Variants in RGS5 observed in about 807,000 individuals in gnomAD.
RGS5 encodes regulator of G protein signaling 5, also known as regulator of G-protein signalling 5.
RGS5 carries 20 observed loss-of-function variants against 18.9 expected under a neutral mutation model. The ratio of observed to expected loss-of-function variants is 1.06; its 90% confidence interval spans 0.74 to 1.54. The LOEUF (loss-of-function observed/expected upper bound fraction) is 1.54. RGS5 is among the 40% of genes most tolerant of loss of function. The pLI is 0.00. For synonymous variants in RGS5, 57 were observed against 76.2 expected, an observed-to-expected ratio of 0.75 and a Z score of 1.31; for missense variants, 201 against 211.8, an observed-to-expected ratio of 0.95 and a Z score of 0.32.
At chr1:163,201,434 A>C (rs1659767623) in intron 1 of RGS5, among the ~76,000 whole-genome samples, 1 of 152,150 alleles carries the variant, frequency 6.6e-6, no homozygotes, top group Non-Finnish European at 1.5e-5. Context: ...CCTTATTTAC[A>C]ATCTAACTTC....
intron 4 of RGS5, among the ~76,000 whole-genome samples, chr1:163,150,594 G>A (rs1657333246): frequency 6.6e-6 from 1 of 152,194 alleles, no homozygotes; most frequent in South Asian, 2.1e-4. Flanking sequence ...GCTAACATAT[G>A]TGCTTAGGGT....
intron 1 of RGS5, among the ~76,000 whole-genome samples, chr1:163,215,222 C>A (rs1190483374): frequency 6.6e-6 from 1 of 152,122 alleles, no homozygotes; most frequent in Non-Finnish European, 1.5e-5. Flanking sequence ...CGTATATAGT[C>A]AAAATCATTT....
chr1:163,240,875 T>C (rs1219272846), intron 2 of RGS5, among the ~76,000 whole-genome samples: 2 of 152,136 alleles, frequency 1.3e-5, no homozygotes, highest in Admixed American at 1.3e-4. Context: ...AATATACTTG[T>C]CAAAATGTAT....
At chr1:163,191,485 A>G (rs1229278138) in intron 1 of RGS5, among the ~76,000 whole-genome samples, 1 of 152,182 alleles carries the variant, frequency 6.6e-6, no homozygotes, top group Admixed American at 6.6e-5. Flanking sequence ...GAAGTGAAAC[A>G]AGTAACTGAA....
chr1:163,313,995 ATATATG>A (rs1459530201), intron 1 of RGS5, among the ~76,000 whole-genome samples: 29 of 5,590 alleles, frequency 5.2e-3, no homozygotes, highest in African/African-American at 0.025. Flanking sequence ...TAAATAAGAT[ATATATG>A]TGTGTGTGTG....
intron 1 of RGS5, among the ~76,000 whole-genome samples, chr1:163,213,993 T>C (rs755002769): frequency 6.6e-6 from 1 of 152,140 alleles, no homozygotes. Context: ...ATTAAAATAA[T>C]CTTTTGACCT....
At chr1:163,174,274 T>A (rs1305494665) in intron 1 of RGS5, among the ~76,000 whole-genome samples, 1 of 152,222 alleles carries the variant, frequency 6.6e-6, no homozygotes, top group East Asian at 1.9e-4. Context: ...ATATTGTCTA[T>A]CTCTCCCATT....
intron 1 of RGS5, among the ~76,000 whole-genome samples, chr1:163,192,171 A>T (rs916012083): frequency 6.6e-6 from 1 of 152,178 alleles, no homozygotes; most frequent in Non-Finnish European, 1.5e-5. Context: ...ACATTATATA[A>T]ATTATTGAAG....
At chr1:163,315,628 G>T (rs1431624530) in intron 1 of RGS5, among the ~76,000 whole-genome samples, 1 of 152,068 alleles carries the variant, frequency 6.6e-6, no homozygotes, top group Admixed American at 6.5e-5. Context: ...GTACTTTATA[G>T]TTCCAAACTA....
chr1:163,222,282 A>T (rs1391300313), upstream of RGS5, among the ~76,000 whole-genome samples: 1 of 152,030 alleles, frequency 6.6e-6, no homozygotes, highest in African/African-American at 2.4e-5. Context: ...TAGGAGCATG[A>T]ACTCTATTGT....
chr1:163,151,792 C>T (rs773609332), intron 4 of RGS5, among the ~76,000 whole-genome samples: 1 of 152,092 alleles, frequency 6.6e-6, no homozygotes, highest in Non-Finnish European at 1.5e-5. Context: ...TTCTTCATAG[C>T]AGTGAGAGAA....
chr1:163,295,837 A>T (rs1274314780), intron 2 of RGS5, among the ~76,000 whole-genome samples: 1 of 152,200 alleles, frequency 6.6e-6, no homozygotes, highest in Non-Finnish European at 1.5e-5. Context: ...ATTTCTTCAA[A>T]ACATGGTATT....
intron 2 of RGS5, among the ~76,000 whole-genome samples, chr1:163,288,962 T>C (rs1649212856): frequency 6.6e-6 from 1 of 152,194 alleles, no homozygotes. Flanking sequence ...TTGGTATATG[T>C]TGGTATATTC....
chr1:163,150,476 A>T (rs1024456876), intron 4 of RGS5, among the ~76,000 whole-genome samples: 18 of 152,156 alleles, frequency 1.2e-4, no homozygotes, highest in African/African-American at 4.1e-4. Context: ...GGGGAAATAC[A>T]TGTCCAATTT....
intron 1 of RGS5, among the ~76,000 whole-genome samples, chr1:163,198,885 C>T (rs777608501): frequency 1.3e-5 from 2 of 151,922 alleles, no homozygotes; most frequent in Non-Finnish European, 2.9e-5. Flanking sequence ...GCCCAGGCTG[C>T]CCTTAAACTC....
At chr1:163,250,100 A>C (rs2101697532) in intron 2 of RGS5, among the ~76,000 whole-genome samples, 1 of 152,304 alleles carries the variant, frequency 6.6e-6, no homozygotes, top group South Asian at 2.1e-4. Context: ...CTCAGGACAC[A>C]AGGCCCCGAA....
chr1:163,257,159 T>C (rs1648295190), intron 2 of RGS5, among the ~76,000 whole-genome samples: 1 of 152,092 alleles, frequency 6.6e-6, no homozygotes, highest in Non-Finnish European at 1.5e-5. Context: ...TTAGGACAAC[T>C]AAAGAAGTAG....
chr1:163,175,891 T>C (rs1426460164), intron 1 of RGS5, among the ~76,000 whole-genome samples: 1 of 152,148 alleles, frequency 6.6e-6, no homozygotes, highest in Non-Finnish European at 1.5e-5. Flanking sequence ...GAATATATAG[T>C]AGTAGTAGTA....
At chr1:163,264,141 G>C (rs1648520619) in intron 2 of RGS5, among the ~76,000 whole-genome samples, 1 of 152,012 alleles carries the variant, frequency 6.6e-6, no homozygotes, top group Non-Finnish European at 1.5e-5. Flanking sequence ...TTATTGTTTT[G>C]TTTGGTTTAA....
Sources: gnomAD v4.1 joint callset for allele counts (sites outside exome capture counted in the v4.1 genomes callset) on GRCh38, gnomAD v4.1.1 for gene constraint, MANE v1.5 for transcripts, NCBI Gene and HGNC (gene_info 2026-07-23, HGNC 2026-07-21) for gene names.